Variants in ITGBL1 observed in about 807,000 individuals in gnomAD.
The protein encoded by ITGBL1 is integrin beta-like protein 1.
In ITGBL1, 51 loss-of-function variants were observed where a neutral mutation model predicts 68.5. The ratio of observed to expected loss-of-function variants is 0.74; its 90% CI spans 0.59 to 0.94. The LOEUF (loss-of-function observed/expected upper bound fraction) is 0.94. Ranked by LOEUF, ITGBL1 falls within the 40% of genes least tolerant of loss-of-function variation. The probability of loss-of-function intolerance (pLI) is 0.00; values close to 1 mark genes in which losing one functional copy is unlikely to be tolerated. For missense variants in ITGBL1, 649 were observed against 647.4 expected (o/e 1.00, Z -0.03); for synonymous variants, 209 against 227.3 (o/e 0.92, Z 0.72).
chr13:101,551,596 G>A (rs758600311), intron 2 of ITGBL1, among the ~76,000 whole-genome samples: 9 of 152,182 alleles, frequency 5.9e-5, no homozygotes, highest in Non-Finnish European at 1.0e-4. Flanking sequence ...AGTGACTTGA[G>A]AAATTGGCTA....
chr13:101,598,780 G>T (rs1189561638), intron 7 of ITGBL1, among the ~76,000 whole-genome samples: 1 of 152,002 alleles, frequency 6.6e-6, no homozygotes, highest in African/African-American at 2.4e-5. Context: ...CTTTTTTATG[G>T]CTGCACAGTA....
At chr13:101,698,447 T>C (rs1466306379) in intron 8 of ITGBL1, among the ~76,000 whole-genome samples, 1 of 152,210 alleles carries the variant, frequency 6.6e-6, no homozygotes, top group East Asian at 1.9e-4. Flanking sequence ...TCATAATTTT[T>C]ACAGTTCAGT....
intron 2 of ITGBL1, among the ~76,000 whole-genome samples, chr13:101,483,216 G>C (rs369561811): frequency 6.6e-6 from 1 of 152,098 alleles, no homozygotes; most frequent in East Asian, 1.9e-4. Context: ...GAATCCTCTT[G>C]ATGTTCCTGG....
At chr13:101,649,749 C>T (rs1051781461) in intron 7 of ITGBL1, among the ~76,000 whole-genome samples, 4 of 152,158 alleles carry the variant, frequency 2.6e-5, no homozygotes, top group Non-Finnish European at 4.4e-5. Context: ...CACCACACTA[C>T]CTTCAAGGTA....
chr13:101,653,644 A>G (rs1159284027), intron 7 of ITGBL1, among the ~76,000 whole-genome samples: 1 of 152,128 alleles, frequency 6.6e-6, no homozygotes, highest in African/African-American at 2.4e-5. Flanking sequence ...GGCAAGTGCT[A>G]TTATGAACTA....
In ITGBL1 at chr13:101,597,128, G is replaced by A. The variant is rs535090431; in HGVS notation, c.869-1025G>A. Among the ~76,000 whole-genome samples, 4 of 152,256 alleles carry A rather than the reference G, an allele frequency of 2.6e-5. No individual in the cohort carries two copies. The South Asian group carries it at 8.3e-4, about 32-fold the overall frequency. On this transcript the variant is annotated intron_variant, in intron 6 of 10. Coordinates refer to ENST00000376180, the MANE Select transcript of ITGBL1 (RefSeq NM_004791.3). ...GTTACAGCAAGTGTACTTCTCTGGT[G>A]GGAATTGTTGATAATGGAGAAGGCT...
chr13:101,503,387 C>G (rs1041274322), intron 2 of ITGBL1, among the ~76,000 whole-genome samples: 3 of 152,026 alleles, frequency 2.0e-5, no homozygotes, highest in Admixed American at 2.0e-4. Flanking sequence ...GGAAGAAATG[C>G]TAACAAGAAT....
intron 2 of ITGBL1, among the ~76,000 whole-genome samples, chr13:101,491,637 A>T (rs1594843372): frequency 1.3e-5 from 2 of 151,842 alleles, no homozygotes; most frequent in South Asian, 2.1e-4. Context: ...ATTTTTTTTT[A>T]AATTATACTT....
chr13:101,687,500 A>G (rs1257911574), intron 7 of ITGBL1, among the ~76,000 whole-genome samples: 1 of 151,942 alleles, frequency 6.6e-6, no homozygotes, highest in Non-Finnish European at 1.5e-5. Flanking sequence ...ATTTGTCTAT[A>G]TTTTACACAA....
intron 9 of ITGBL1, among the ~76,000 whole-genome samples, chr13:101,708,870 A>G (rs2034322628): frequency 6.6e-6 from 1 of 152,226 alleles, no homozygotes; most frequent in Admixed American, 6.5e-5. Context: ...GTTTAAAGCA[A>G]TCGCTTTGTG....
At chr13:101,642,247 T>C (rs1343096112) in intron 7 of ITGBL1, among the ~76,000 whole-genome samples, 1 of 152,122 alleles carries the variant, frequency 6.6e-6, no homozygotes, top group South Asian at 2.1e-4. Flanking sequence ...TTTTTAATGA[T>C]TGCCATTCTA....
At position 101,605,982 on chromosome 13, in the gene ITGBL1, GTA is replaced by G. The variant is rs559354236; in HGVS notation, c.1015+7691_1015+7692del. On this transcript the variant is annotated intron_variant, in intron 7 of 10. Coordinates refer to ENST00000376180, the MANE Select transcript of ITGBL1 (RefSeq NM_004791.3). ...TATACACATATATATGCATATATGT[GTA>G]TATATATGTGTATATATACACATAT... Among the ~76,000 whole-genome samples the G allele has an allele frequency of 5.0e-3, 720 of 143,924 alleles. 4 individuals are homozygous for G. Among genetic ancestry groups the G allele is most frequent in the African/African-American group, 0.013 (498 of 39,554 alleles). The allele number at this position is 143,924 out of a possible 152,430, so 94.4% of individuals were successfully genotyped here.
At chr13:101,609,837 C>T (rs1229445219) in intron 7 of ITGBL1, among the ~76,000 whole-genome samples, 2 of 151,968 alleles carry the variant, frequency 1.3e-5, no homozygotes. Context: ...TATTTTTTTC[C>T]TGTTCTAAAT....
intron 7 of ITGBL1, among the ~76,000 whole-genome samples, chr13:101,671,463 G>A (rs2033370686): frequency 1.3e-5 from 1 of 75,356 alleles, no homozygotes; most frequent in Non-Finnish European, 2.6e-5. Flanking sequence ...TTTTGAGACG[G>A]AGTCTCGCTC....
At chr13:101,606,174 T>TATATATATATATATATATA (rs1555361917) in intron 7 of ITGBL1, among the ~76,000 whole-genome samples, 52 of 138,038 alleles carry the variant, frequency 3.8e-4, no homozygotes, top group Middle Eastern at 3.9e-3. Flanking sequence ...ATTAGGATTT[T>TATATATATATATATATATA]TATATATATA....
intron 2 of ITGBL1, among the ~76,000 whole-genome samples, chr13:101,560,545 T>C (rs1051625025): frequency 2.0e-5 from 3 of 152,194 alleles, no homozygotes; most frequent in African/African-American, 7.2e-5. Context: ...AATTTGTTTT[T>C]TAGTCTTAAA....
chr13:101,543,984 T>A lies in ITGBL1; in HGVS notation c.317-23715T>A, dbSNP rs547954222. Among the ~76,000 whole-genome samples the A allele has an allele frequency of 7.9e-5, 12 of 152,336 alleles. No homozygotes were observed. In the South Asian group the frequency reaches 2.3e-3, roughly 29 times the overall value. On this transcript the variant is annotated intron_variant, in intron 2 of 10. Transcript: ENST00000376180. ...TTTTTTTCGAGGTTTTTAACTTCTTTGCCATGGGTTCGAACTTCCTCCTTT... is the reference window on the plus strand; with the variant it reads ...TTTTTTTCGAGGTTTTTAACTTCTTAGCCATGGGTTCGAACTTCCTCCTTT...
intron 7 of ITGBL1, among the ~76,000 whole-genome samples, chr13:101,625,501 C>T (rs2031738729): frequency 6.6e-6 from 1 of 152,112 alleles, no homozygotes; most frequent in Admixed American, 6.6e-5. Flanking sequence ...CTACACTGCA[C>T]TGCAAGGGCT....
chr13:101,600,722 T>G lies in ITGBL1; in HGVS notation c.1015+2423T>G, dbSNP rs539141079. On this transcript the variant is annotated intron_variant, in intron 7 of 10. Transcript: ENST00000376180. ...ATGTGATTTTTGTCTTTGGTTCTGT[T>G]TATATGCTGGATTACAGTTATTGAT... Among the ~76,000 whole-genome samples the G allele has an allele frequency of 1.5e-3, 235 of 152,224 alleles. 1 individual carries two copies. Among genetic ancestry groups the G allele is most frequent in the Admixed American group, 2.5e-3 (38 of 15,272 alleles).
Sources: allele counts gnomAD v4.1 joint callset (sites outside exome capture counted in the v4.1 genomes callset), GRCh38; gene constraint gnomAD v4.1.1; transcripts MANE v1.5; gene names NCBI Gene and HGNC (gene_info 2026-07-23, HGNC 2026-07-21).